VPS54: variants seen among roughly 807,000 people sequenced by gnomAD.
The protein encoded by VPS54 is vacuolar protein sorting-associated protein 54.
Under a neutral mutation model 121.5 loss-of-function variants are expected in VPS54, and 45 were observed. The ratio of observed to expected loss-of-function variants is 0.37; its 90% CI spans 0.29 to 0.47. The LOEUF (loss-of-function observed/expected upper bound fraction) is 0.47. Ranked by LOEUF, VPS54 falls within the 20% of genes least tolerant of loss-of-function variation. The pLI, the probability that VPS54 is intolerant of heterozygous loss-of-function variation, is 0.99. For missense variants in VPS54, 1,090 were observed against 1,131.4 expected, an observed-to-expected ratio of 0.96 and a Z score of 0.52; for synonymous variants, 371 against 385.8, an observed-to-expected ratio of 0.96 and a Z score of 0.45.
chr2:63,944,547 A>G, intron 10 of VPS54, 53 bp downstream of exon 10: 1 of 1,476,484 alleles, frequency 6.8e-7, no homozygotes, highest in South Asian at 1.2e-5. Flanking sequence ...TCTAATTTAC[A>G]TCTATCATCT....
intron 1 of VPS54, among the ~76,000 whole-genome samples, chr2:64,013,643 AATATATAGATATATATTG>A (rs1414108325): frequency 6.9e-6 from 1 of 145,598 alleles, no homozygotes; most frequent in Non-Finnish European, 1.5e-5. Flanking sequence ...AATATATATC[AATATATAGATATATATTG>A]ATATATATAT....
rs747731456 is a variant in VPS54 at position 63,909,725 on chromosome 2, G to GTTTTTGTTTTTTTTTT, written c.2625+2619_2625+2620insAAAAAAAAAACAAAAA. Among the ~76,000 whole-genome samples, 28 of 115,278 alleles carry GTTTTTGTTTTTTTTTT rather than the reference G, an allele frequency of 2.4e-4. 3 individuals carry two copies. Among genetic ancestry groups the GTTTTTGTTTTTTTTTT allele is most frequent in the South Asian group, 2.9e-4 (1 of 3,432 alleles). The allele number at this position is 115,278 out of a possible 152,430, so 75.6% of individuals were successfully genotyped here. On this transcript the variant is annotated intron_variant, in intron 20 of 22. Coordinates refer to ENST00000272322, the MANE Select transcript of VPS54 (RefSeq NM_016516.3). Reference sequence around the variant, plus strand: ...AAGCGACCTCGCCTGGCCGTTTTTGGTTTTTTTTTTTTTTTTGAGACAGAG... The same window carrying GTTTTTGTTTTTTTTTT: ...AAGCGACCTCGCCTGGCCGTTTTTGGTTTTTGTTTTTTTTTTTTTTTTTTTTTTTTTTGAGACAGAG...
At chr2:63,981,553 CA>C in intron 3 of VPS54, 92 bp downstream of exon 3, 1 of 1,398,446 alleles carries the variant, frequency 7.2e-7, no homozygotes. Context: ...ATAGGTTCAT[CA>C]AACATTACTG....
At chr2:64,017,635 G>T (rs1678770025) in intron 1 of VPS54, among the ~76,000 whole-genome samples, 1 of 152,108 alleles carries the variant, frequency 6.6e-6, no homozygotes, top group African/African-American at 2.4e-5. Context: ...CAGTCTTTAC[G>T]ATTTGGTTGT....
chr2:63,950,185 A>G (rs1675173203), intron 7 of VPS54, among the ~76,000 whole-genome samples: 1 of 152,184 alleles, frequency 6.6e-6, no homozygotes, highest in Non-Finnish European at 1.5e-5. Context: ...AGTTTTCTCT[A>G]ACAGGAATTT....
At chr2:63,993,634 T>C (rs1012037308) in intron 1 of VPS54, among the ~76,000 whole-genome samples, 2 of 152,254 alleles carry the variant, frequency 1.3e-5, no homozygotes, top group Non-Finnish European at 2.9e-5. Context: ...TTCCTTTAAA[T>C]CGGCTCGAAG....
chr2:64,003,042 C>A (rs974173078), intron 1 of VPS54, among the ~76,000 whole-genome samples: 5 of 152,128 alleles, frequency 3.3e-5, no homozygotes, highest in African/African-American at 1.2e-4. Context: ...TACATGGCAT[C>A]TGAATCACAA....
intron 1 of VPS54, among the ~76,000 whole-genome samples, chr2:64,010,172 T>A (rs772762778): frequency 1.6e-4 from 25 of 152,282 alleles, no homozygotes; most frequent in Non-Finnish European, 3.2e-4. Context: ...TGAACTTTTT[T>A]AAAAAAAGTC....
chr2:63,995,544 G>A (rs192703169), intron 1 of VPS54, among the ~76,000 whole-genome samples: 21 of 152,326 alleles, frequency 1.4e-4, no homozygotes, highest in East Asian at 5.8e-4. Context: ...CACCACTGCC[G>A]GAATGGCGTT....
chr2:63,911,714 G>C (rs747773961), intron 20 of VPS54, among the ~76,000 whole-genome samples: 20 of 152,156 alleles, frequency 1.3e-4, no homozygotes, highest in South Asian at 2.1e-4. Context: ...AAAGTTCTTT[G>C]CTATTAAGGT....
intron 4 of VPS54, among the ~76,000 whole-genome samples, chr2:63,971,059 A>G (rs1191695118): frequency 1.3e-5 from 2 of 152,146 alleles, no homozygotes; most frequent in African/African-American, 4.8e-5. Flanking sequence ...CTCTCACTGA[A>G]TTGCACTGTC....
At chr2:63,911,856 C>A (rs2104430584) in intron 20 of VPS54, among the ~76,000 whole-genome samples, 1 of 152,256 alleles carries the variant, frequency 6.6e-6, no homozygotes, top group Non-Finnish European at 1.5e-5. Flanking sequence ...AAAGATAGAT[C>A]AAGCGTGATT....
chr2:64,014,747 T>G (rs1678600284), intron 1 of VPS54, among the ~76,000 whole-genome samples: 1 of 120,738 alleles, frequency 8.3e-6, no homozygotes, highest in Non-Finnish European at 2.0e-5. Context: ...TTACCTCATT[T>G]AATAATTCTT....
intron 1 of VPS54, among the ~76,000 whole-genome samples, chr2:64,010,078 G>C (rs189022429): frequency 4.3e-4 from 65 of 152,146 alleles, no homozygotes; most frequent in Admixed American, 7.2e-4. Flanking sequence ...CCGACCTCAG[G>C]TGATTCGCCC....
intron 1 of VPS54, among the ~76,000 whole-genome samples, chr2:63,990,949 C>G (rs779136800): frequency 1.3e-5 from 2 of 152,122 alleles, no homozygotes; most frequent in African/African-American, 4.8e-5. Flanking sequence ...AGACTGGGAC[C>G]TTTTGGCAAA....
chr2:64,018,080 G>C (rs534940078), intron 1 of VPS54, among the ~76,000 whole-genome samples: 1 of 152,132 alleles, frequency 6.6e-6, no homozygotes, highest in African/African-American at 2.4e-5. Context: ...ATATTTCTCG[G>C]TATACTACAA....
chr2:63,991,146 A>G (rs1677298243), intron 1 of VPS54, among the ~76,000 whole-genome samples: 1 of 152,174 alleles, frequency 6.6e-6, no homozygotes, highest in Admixed American at 6.5e-5. Flanking sequence ...AACAAGTAAC[A>G]AAGGTGTGTA....
At chr2:63,942,048 A>T (rs1481246217) in intron 11 of VPS54, among the ~76,000 whole-genome samples, 1 of 151,672 alleles carries the variant, frequency 6.6e-6, no homozygotes, top group African/African-American at 2.4e-5. Context: ...AAAAAAAAAA[A>T]AAGTAAATTA....
Position 63,915,151 on chromosome 2 carries a change from CAAAAAAAAAAAAAAAAAA to C in VPS54, c.2229-882_2229-865del, listed in dbSNP as rs5831674. Among the ~76,000 whole-genome samples the C allele has an allele frequency of 1.7e-4, 4 of 23,850 alleles. No homozygotes were observed. In the East Asian group the frequency reaches 5.4e-3, roughly 32 times the overall value. 15.6% of individuals were successfully genotyped at this position (23,850 alleles called of 152,430 possible). On this transcript the variant is annotated intron_variant, in intron 16 of 22. Transcript: ENST00000272322. ...GGGCAACAAGAGCAAAGCTCCGTCTCAAAAAAAAAAAAAAAAAAAAAAAAAAAGTTTTCCGAAGATGAT... is the reference window on the plus strand; with the variant it reads ...GGGCAACAAGAGCAAAGCTCCGTCTCAAAAAAAAAGTTTTCCGAAGATGAT...
Sources: allele counts gnomAD v4.1 joint callset (sites outside exome capture counted in the v4.1 genomes callset), GRCh38; gene constraint gnomAD v4.1.1; transcripts MANE v1.5; gene names NCBI Gene and HGNC (gene_info 2026-07-23, HGNC 2026-07-21).